Variants in ATM observed in about 807,000 individuals in gnomAD.
ATM encodes the protein ATM serine/threonine kinase.
ATM carries 308 observed loss-of-function variants against 387.0 expected under a neutral mutation model. The ratio of observed to expected loss-of-function variants is 0.80; its 90% confidence interval spans 0.73 to 0.87. The LOEUF (loss-of-function observed/expected upper bound fraction) is 0.87. ATM is among the 40% of genes least tolerant of loss of function. ATM has a pLI of 0.00. For missense variants in ATM, 3,312 were observed against 3,560.9 expected, an observed-to-expected ratio of 0.93 and a Z score of 1.78; for synonymous variants, 1,156 against 1,187.3, an observed-to-expected ratio of 0.97 and a Z score of 0.54.
At chr11:108,359,025 A>G (rs1244281) in intron 61 of ATM, among the ~76,000 whole-genome samples, 221 of 150,750 alleles carry the variant, frequency 1.5e-3, no homozygotes, top group African/African-American at 4.5e-3. Context: ...GTCAAGACCC[A>G]TCAGTGTGCT....
intron 56 of ATM, among the ~76,000 whole-genome samples, chr11:108,342,952 A>G (rs1162103152): frequency 1.3e-5 from 2 of 152,188 alleles, no homozygotes; most frequent in Non-Finnish European, 2.9e-5. Context: ...GACGGTGAGT[A>G]TAGTTAACAG....
Position 108,299,690 on chromosome 11 carries a change from C to T in ATM, c.5006-24C>T, listed in dbSNP as rs536472116. The stretch of plus-strand genomic sequence containing the variant: ...GTATGATCTCTTACCTATGACTCTA[C>T]TGAAATAGAATTTCTATATGTAGAG... On this transcript the variant is annotated intron_variant, in intron 33 of 62. Coordinates refer to ENST00000675843, the MANE Select transcript of ATM (RefSeq NM_000051.4). The T allele has an allele frequency of 2.5e-5, 41 of 1,611,172 alleles. 1 individual carries two copies. The South Asian group carries it at 3.7e-4, about 15-fold the overall frequency.
chr11:108,318,164 C>A (rs1054053465), intron 43 of ATM, among the ~76,000 whole-genome samples: 3 of 152,050 alleles, frequency 2.0e-5, no homozygotes, highest in Non-Finnish European at 4.4e-5. Context: ...GAGTTTGAGA[C>A]CAGCCTGGGA....
At chr11:108,318,522 T>C (rs561777282) in intron 43 of ATM, among the ~76,000 whole-genome samples, 1 of 152,034 alleles carries the variant, frequency 6.6e-6, no homozygotes, top group East Asian at 1.9e-4. Flanking sequence ...AAACTCCATC[T>C]CTACTAAAAA....
chr11:108,255,335 C>T (rs989778259), intron 13 of ATM, among the ~76,000 whole-genome samples: 5 of 151,596 alleles, frequency 3.3e-5, no homozygotes, highest in African/African-American at 2.4e-5. Flanking sequence ...CCTAAAATGC[C>T]GTTTCCTACC....
chr11:108,348,182 C>T (rs575736993), intron 59 of ATM, among the ~76,000 whole-genome samples: 2 of 151,446 alleles, frequency 1.3e-5, no homozygotes, highest in East Asian at 1.9e-4. Context: ...GTGGAATAGA[C>T]AGTTTAATAT....
chr11:108,267,421 A>C, intron 17 of ATM, 79 bp downstream of exon 17: 1 of 1,312,846 alleles, frequency 7.6e-7, no homozygotes, highest in South Asian at 1.2e-5. Context: ...CATTGATATC[A>C]ATTTTGTGCT....
chr11:108,247,834 T>A (rs2079930824), intron 8 of ATM, among the ~76,000 whole-genome samples: 1 of 152,032 alleles, frequency 6.6e-6, no homozygotes, highest in South Asian at 2.1e-4. Context: ...GACCTTGTGA[T>A]CCTCCTGCAT....
At position 108,368,148 on chromosome 11, in the gene ATM, C is replaced by T. The variant is rs372007058; in HGVS notation, c.*2640C>T. 3.9e-5 allele frequency: 8 copies of T among 207,590 alleles called. No individual in the cohort carries two copies. Among genetic ancestry groups the T allele is most frequent in the East Asian group, 3.7e-4 (5 of 13,546 alleles). The allele number at this position is 207,590 out of a possible 1,614,324, so 12.9% of individuals were successfully genotyped here. ...GGCTTTGAAAAGTTTATCAAATTTA[C>T]ATACAGATCACAAGCCTAGGAGAAA... On this transcript the variant is annotated 3_prime_UTR_variant, in exon 63 of 63. Transcript: ENST00000675843.
rs1305240663 is a variant in ATM, at chr11:108,293,895, ATAT to A, written c.4776+419_4776+421del. ...CCTGTCTCAAAAAAAAAAAAAAAAA[ATAT>A]ATATATATATATATATATATATGTG... On this transcript the variant is annotated intron_variant, in intron 31 of 62. Coordinates refer to ENST00000675843, the MANE Select transcript of ATM (RefSeq NM_000051.4). Among the ~76,000 whole-genome samples, 421 of 92,756 alleles carry A rather than the reference ATAT, an allele frequency of 4.5e-3. 3 individuals carry two copies. Among genetic ancestry groups the A allele is most frequent in the African/African-American group, 0.014 (351 of 25,754 alleles). The allele number at this position is 92,756 out of a possible 152,430, so 60.9% of individuals were successfully genotyped here.
chr11:108,264,568 G>A (rs1259108527), intron 16 of ATM, among the ~76,000 whole-genome samples: 3 of 150,548 alleles, frequency 2.0e-5, no homozygotes, highest in East Asian at 2.0e-4. Flanking sequence ...TTGAAAACTG[G>A]CACAAGACAG....
intron 1 of ATM, chr11:108,226,865 C>G (rs1346745324): frequency 6.6e-6 from 1 of 152,136 alleles, no homozygotes; most frequent in African/African-American, 2.4e-5. Context: ...CACTACCACG[C>G]CTGGCCAAGA....
intron 34 of ATM, 22 bp downstream of exon 34, chr11:108,299,907 A>G (rs1225799878): frequency 6.3e-7 from 1 of 1,595,894 alleles, no homozygotes; most frequent in African/African-American, 1.3e-5. Flanking sequence ...TTGATACCTT[A>G]TATGTAATCT....
In ATM at chr11:108,295,065, A is replaced by G. The variant is rs2083048548; in HGVS notation, c.4909+6A>G. The G allele has an allele frequency of 1.9e-6, 3 of 1,613,724 alleles. No homozygotes were observed. The highest frequency in any genetic ancestry group is 1.3e-5 in the African/African-American group (1 of 75,022). ...CATTATGAGAGCTTCTCAGGGTGCTAATTTTAAATGACATGGGCTATTTCT... is the reference window on the plus strand; with the variant it reads ...CATTATGAGAGCTTCTCAGGGTGCTGATTTTAAATGACATGGGCTATTTCT... On this transcript the variant is annotated splice_donor_region_variant and intron_variant, in intron 32 of 62. Coordinates refer to ENST00000675843, the MANE Select transcript of ATM (RefSeq NM_000051.4).
In ATM at chr11:108,267,226, A is replaced by C. The variant is rs587781812; in HGVS notation, c.2522A>C (p.Asp841Ala). Residue 841 changes from aspartate to alanine, a missense_variant, in exon 17 of 63, where the codon GAT becomes GCT. Physicochemically the swap from Asp to Ala is moderately radical, Grantham distance 126. Transcript: ENST00000675843. The stretch of plus-strand genomic sequence containing the variant: ...GGAGAAGTAGAATCAATGGAAGATG[A>C]TACTAATGGAAATCTAATGGAGGTG... Reference protein sequence around the residue: ...DRGEVESMEDDTNGNLMEVED... With the variant: ...DRGEVESMEDATNGNLMEVED... 127 of 1,614,172 alleles carry C rather than the reference A, an allele frequency of 7.9e-5. 3 individuals are homozygous for C. In the South Asian group the frequency reaches 1.4e-3, roughly 17 times the overall value.
At chr11:108,306,627 A>G (rs569989478) in intron 37 of ATM, among the ~76,000 whole-genome samples, 27 of 152,340 alleles carry the variant, frequency 1.8e-4, no homozygotes, top group African/African-American at 6.5e-4. Context: ...CAATATTTTT[A>G]TTACCTTAAG....
intron 22 of ATM, among the ~76,000 whole-genome samples, chr11:108,277,679 C>T (rs921748245): frequency 2.0e-5 from 3 of 152,174 alleles, no homozygotes; most frequent in Non-Finnish European, 4.4e-5. Context: ...CTACACCCCA[C>T]CCTGCTTTGA....
chr11:108,286,968 T>G (rs2082525524), intron 26 of ATM, among the ~76,000 whole-genome samples: 1 of 152,214 alleles, frequency 6.6e-6, no homozygotes, highest in Non-Finnish European at 1.5e-5. Context: ...ATTCTTTATA[T>G]TTAGAGAATT....
Position 108,259,085 on chromosome 11 carries a change from C to T in ATM, c.2466+10C>T, listed in dbSNP as rs759158068. The T allele has an allele frequency of 6.2e-7, 1 of 1,602,384 alleles. No homozygotes were observed. Among genetic ancestry groups the T allele is most frequent in the Non-Finnish European group, 8.5e-7 (1 of 1,170,908 alleles). ...TATTTGTAAAAGTTTAGTAAGTATG[C>T]TTCCTGTTTTGCTATCATATTTTGA... is the stretch of plus-strand genomic sequence containing the variant. On this transcript the variant is annotated intron_variant, in intron 16 of 62. Transcript: ENST00000675843.
Sources: gnomAD v4.1 joint callset for allele counts (sites outside exome capture counted in the v4.1 genomes callset) on GRCh38, gnomAD v4.1.1 for gene constraint, MANE v1.5 for transcripts, NCBI Gene and HGNC (gene_info 2026-07-23, HGNC 2026-07-21) for gene names.